SACS: variants seen among roughly 807,000 people sequenced by gnomAD.
SACS encodes sacsin.
Under a neutral mutation model 348.0 loss-of-function variants are expected in SACS, and 197 were observed. The ratio of observed to expected loss-of-function variants is 0.57; its 90% CI spans 0.50 to 0.64. The LOEUF (loss-of-function observed/expected upper bound fraction) is 0.64, where lower values mean the gene tolerates loss of function less well. Ranked by LOEUF, SACS falls within the 30% of genes least tolerant of loss-of-function variation. SACS has a pLI of 0.00. For missense variants in SACS, 4,999 were observed against 5,360.8 expected, an observed-to-expected ratio of 0.93 and a Z score of 2.11; for synonymous variants, 1,985 against 1,910.6, an observed-to-expected ratio of 1.04 and a Z score of -1.02.
Position 23,354,649 on chromosome 13 carries a change from G to C in SACS, c.1963C>G (p.Leu655Val). Residue 655 changes from leucine to valine, a missense_variant, in exon 8 of 10, where the codon CTT (leucine) becomes GTT (valine). Physicochemically the swap from Leu to Val is conservative, Grantham distance 32 (BLOSUM62 1). Around this residue, in one of 6 missense-constraint regions of SACS, gnomAD observed 3,156 missense variants for 3,380.1 expected, o/e 0.93. Coordinates refer to ENST00000382292, the MANE Select transcript of SACS (RefSeq NM_014363.6). ...EEKLHLLEFV[L>V]SDQAYSELLG... ...AGCTCACTGTAGGCTTGGTCAGAAA[G>C]CACAAATTCTAGAAGGTGAAGCTTT... 2 of 1,614,214 alleles carry C rather than the reference G, an allele frequency of 1.2e-6. No individual in the cohort carries two copies. The highest frequency in any genetic ancestry group is 1.7e-6 in the Non-Finnish European group (2 of 1,180,040).
At position 23,368,589 on chromosome 13, in the gene SACS, T is replaced by C; in HGVS notation, c.260-102A>G. ...AGACATCATATAACTATACAAGTTATGGTTGCATATATCTCACTGCAGCAC... is the reference window on the plus strand; with the variant it reads ...AGACATCATATAACTATACAAGTTACGGTTGCATATATCTCACTGCAGCAC... On this transcript the variant is annotated intron_variant, in intron 4 of 9. Coordinates refer to ENST00000382292, the MANE Select transcript of SACS (RefSeq NM_014363.6). The C allele has an allele frequency of 7.4e-6, 6 of 816,304 alleles. No individual in the cohort carries two copies. In the East Asian group the frequency reaches 1.3e-4, roughly 18 times the overall value. 50.6% of individuals were successfully genotyped at this position (816,304 alleles called of 1,614,324 possible).
In SACS at chr13:23,331,883, A is replaced by G. The variant is rs1211908136; in HGVS notation, c.11993T>C (p.Leu3998Pro). 6.2e-7 allele frequency: 1 copy of G among 1,614,054 alleles called. No individual in the cohort carries two copies. Among genetic ancestry groups the G allele is most frequent in the Admixed American group, 1.7e-5 (1 of 60,014 alleles). ...CAAGAGTAACTGCAATCTTCCTTGA[A>G]GAGAACACAACGCTCCAAACTGACA... ...KVCQFGALCSLQGRLQLLLSS... is the reference protein window; with the variant it reads ...KVCQFGALCSPQGRLQLLLSS... Residue 3998 changes from leucine to proline, a missense_variant, in exon 10 of 10, where the codon CTT (leucine) becomes CCT (proline). Physicochemically the swap from Leu to Pro is moderately conservative, Grantham distance 98. Transcript: ENST00000382292.
chr13:23,357,568 T>C (rs149904217), intron 7 of SACS, among the ~76,000 whole-genome samples: 110 of 152,342 alleles, frequency 7.2e-4, no homozygotes, highest in African/African-American at 2.4e-3. Flanking sequence ...ACAGTCATCT[T>C]GGCTACAGTG....
intron 1 of SACS, among the ~76,000 whole-genome samples, chr13:23,421,947 G>A (rs1226032418): frequency 6.6e-6 from 1 of 152,046 alleles, no homozygotes; most frequent in Non-Finnish European, 1.5e-5. Flanking sequence ...CTTGGGAACA[G>A]ACATGCACCG....
intron 6 of SACS, among the ~76,000 whole-genome samples, chr13:23,363,257 C>T (rs981629725): frequency 2.0e-5 from 3 of 150,474 alleles, no homozygotes; most frequent in South Asian, 2.1e-4. Context: ...GACACAGTTT[C>T]GCTCTTGTTG....
In SACS at chr13:23,330,509, G is replaced by T. The variant is rs1242188446; in HGVS notation, c.13367C>A (p.Ala4456Glu). 8.7e-6 allele frequency: 14 copies of T among 1,614,042 alleles called. No individual in the cohort carries two copies. The highest frequency in any genetic ancestry group is 1.1e-5 in the South Asian group (1 of 91,086). Residue 4456 changes from alanine to glutamate, a missense_variant, in exon 10 of 10, where the codon GCA becomes GAA. Ala to Glu is a moderately radical substitution (Grantham distance 107). Transcript: ENST00000382292. ...GTCATTCCTGGCAGCTGAGAAGTTT[G>T]CTCTGGCTTGTCTTAGCCATCTGCG... ...EARRWLRQAR[A>E]NFSAARNDLH...
In SACS at chr13:23,431,544, T is replaced by A. The variant is rs188129217; in HGVS notation, c.-502+2071A>T. Among the ~76,000 whole-genome samples the A allele has an allele frequency of 9.8e-4, 150 of 152,328 alleles. 1 individual carries two copies. The highest frequency in any genetic ancestry group is 4.6e-3 in the South Asian group (22 of 4,822). On this transcript the variant is annotated intron_variant, in intron 1 of 9. Transcript: ENST00000382292. ...AGGCTGTCCAAGATCAGAATAGCAA[T>A]GGGAATTGTCCTGACTTCCAATTTG...
At chr13:23,363,661 C>A (rs898291908) in intron 6 of SACS, among the ~76,000 whole-genome samples, 1 of 152,192 alleles carries the variant, frequency 6.6e-6, no homozygotes, top group Non-Finnish European at 1.5e-5. Flanking sequence ...ACATCATAGG[C>A]TCTCCTTACA....
intron 2 of SACS, among the ~76,000 whole-genome samples, chr13:23,381,674 T>G (rs1445398409): frequency 6.6e-6 from 1 of 152,214 alleles, no homozygotes; most frequent in African/African-American, 2.4e-5. Context: ...CAGAAGTAAT[T>G]GAGAAACATG....
At position 23,334,938 on chromosome 13, in the gene SACS, C is replaced by T; in HGVS notation, c.8938G>A (p.Ala2980Thr). Residue 2980 changes from alanine to threonine, a missense_variant, in exon 10 of 10, where the codon GCA becomes ACA. Transcript: ENST00000382292. ...TCTTCGTGAATGCAATTGTAAAGTG[C>T]TTTCACTAGACAATATAAATCTGGC... The part of the protein sequence containing the change: ...LQPDLYCLVK[A>T]LYNCIHEDMK... 6.2e-7 allele frequency: 1 copy of T among 1,613,838 alleles called. No individual in the cohort carries two copies. Among genetic ancestry groups the T allele is most frequent in the South Asian group, 1.1e-5 (1 of 91,072 alleles).
chr13:23,349,227 G>A (rs886927043), intron 9 of SACS, among the ~76,000 whole-genome samples: 8 of 152,210 alleles, frequency 5.3e-5, no homozygotes, highest in Admixed American at 5.2e-4. Context: ...AGGCAGTGGA[G>A]TAAGACCAAG....
chr13:23,404,864 A>G (rs558164050), intron 2 of SACS, among the ~76,000 whole-genome samples: 1 of 152,320 alleles, frequency 6.6e-6, no homozygotes, highest in Admixed American at 6.5e-5. Flanking sequence ...GATGTGAAGG[A>G]CCTTTTCAAG....
intron 1 of SACS, among the ~76,000 whole-genome samples, chr13:23,429,345 A>ATTGTTTT (rs1874331315): frequency 1.9e-5 from 1 of 51,466 alleles, no homozygotes; most frequent in Non-Finnish European, 3.5e-5. Flanking sequence ...TGAGGTAGGG[A>ATTGTTTT]TTTTTTTTTT....
At chr13:23,375,668 C>CCT in intron 2 of SACS, 1 of 675,800 alleles carries the variant, frequency 1.5e-6, no homozygotes, top group Non-Finnish European at 1.8e-6. Flanking sequence ...AGGCCCCGCC[C>CCT]CCAGGGAACG....
At position 23,339,040 on chromosome 13, in the gene SACS, T is replaced by G; in HGVS notation, c.4836A>C (p.Arg1612Ser). The change falls in exon 10 of 10, where the codon AGA becomes AGC. Residue 1612 changes from arginine (R) to serine (S), a missense_variant. Physicochemically the swap from Arg to Ser is moderately radical, Grantham distance 110 (BLOSUM62 -1). Transcript: ENST00000382292. ...INWSKQQKRL[R>S]KFPNQFKPFI... ...ATGGTTTGAACTGATTAGGAAATTT[T>G]CTAAGTCTTTTCTGTTGTTTACTCC... 6.2e-7 allele frequency: 1 copy of G among 1,613,620 alleles called. No homozygotes were observed. The highest frequency in any genetic ancestry group is 8.5e-7 in the Non-Finnish European group (1 of 1,179,926).
In SACS at chr13:23,334,748, T is replaced by C. The variant is rs761690372; in HGVS notation, c.9128A>G (p.Tyr3043Cys). Reference sequence around the variant, plus strand: ...TACTGTTTTGCGTGTGGTGATATTATAATCTGCATTTTTAAGGTGTTGTAA... The same window carrying C: ...TACTGTTTTGCGTGTGGTGATATTACAATCTGCATTTTTAAGGTGTTGTAA... The part of the protein sequence containing the change: ...DELQHLKNAD[Y>C]NITTRKTVAE... Residue 3043 changes from tyrosine (Y) to cysteine (C), a missense_variant, in exon 10 of 10, where the codon TAT becomes TGT. Tyr to Cys is a radical substitution (Grantham distance 194). Transcript: ENST00000382292. 2.5e-6 allele frequency: 4 copies of C among 1,613,834 alleles called. No individual in the cohort carries two copies. The highest frequency in any genetic ancestry group is 3.3e-5 in the Admixed American group (2 of 59,996).
chr13:23,428,335 C>T (rs1874276916), intron 1 of SACS: 1 of 152,198 alleles, frequency 6.6e-6, no homozygotes, highest in African/African-American at 2.4e-5. Context: ...TCATCTCACT[C>T]TCCTAACTTC....
chr13:23,338,513 T>C lies in SACS; in HGVS notation c.5363A>G (p.Asp1788Gly), dbSNP rs1256628413. 1 of 1,614,020 alleles carries C rather than the reference T, an allele frequency of 6.2e-7. No homozygotes were observed. The highest frequency in any genetic ancestry group is 8.5e-7 in the Non-Finnish European group (1 of 1,180,014). Residue 1788 changes from aspartate to glycine, a missense_variant, in exon 10 of 10, where the codon GAC becomes GGC. Physicochemically the swap from Asp to Gly is moderately conservative, Grantham distance 94. Around this residue, in one of 6 missense-constraint regions of SACS, gnomAD observed 3,156 missense variants for 3,380.1 expected, o/e 0.93. Coordinates refer to ENST00000382292, the MANE Select transcript of SACS (RefSeq NM_014363.6). ...QSPLFRGPDD[D>G]PAALFEMAKS... ...AGCCATTTCAAAGAGAGCAGCTGGG[T>C]CATCATCTGGACCTCTAAAAAGTGG...
At chr13:23,387,924 C>T (rs1183105994) in intron 2 of SACS, among the ~76,000 whole-genome samples, 2 of 152,042 alleles carry the variant, frequency 1.3e-5, no homozygotes, top group Admixed American at 1.3e-4. Flanking sequence ...CCAGAAAGGC[C>T]ATTATTAAAA....
Sources: allele counts gnomAD v4.1 joint callset (sites outside exome capture counted in the v4.1 genomes callset), GRCh38; gene constraint gnomAD v4.1.1; regional missense constraint gnomAD v4.1.1; transcripts MANE v1.5; gene names NCBI Gene and HGNC (gene_info 2026-07-23, HGNC 2026-07-21).